The following HTT variants were observed in gnomAD, a reference collection of about 807,000 sequenced individuals.
HTT encodes huntington disease protein.
HTT carries 104 observed loss-of-function variants against 362.3 expected under a neutral mutation model. The ratio of observed to expected loss-of-function variants is 0.29; its 90% CI spans 0.24 to 0.34. HTT has a LOEUF of 0.34. Among genes scored for constraint, HTT ranks in the 10% least tolerant of loss-of-function variants. The pLI is 1.00. For missense variants in HTT, 3,301 were observed against 3,928.6 expected (o/e 0.84, Z 4.27); for synonymous variants, 1,577 against 1,548.7 (o/e 1.02, Z -0.43).
chr4:3,189,742 G>C (rs1192636302), intron 40 of HTT, among the ~76,000 whole-genome samples: 1 of 152,202 alleles, frequency 6.6e-6, no homozygotes, highest in Non-Finnish European at 1.5e-5. Context: ...ATAGTTAAGA[G>C]GACCAGGTGT....
chr4:3,078,980 C>T (rs1375531783), intron 1 of HTT, among the ~76,000 whole-genome samples: 10 of 152,126 alleles, frequency 6.6e-5, no homozygotes, highest in African/African-American at 1.7e-4. Flanking sequence ...CGTCATCCGC[C>T]GACCTTGTGA....
intron 50 of HTT, 93 bp from the exon 51 acceptor site, chr4:3,215,017 A>G: frequency 9.6e-7 from 1 of 1,042,172 alleles, no homozygotes; most frequent in Non-Finnish European, 1.4e-6. Flanking sequence ...ATCCCTTTCA[A>G]CTTTTGTGAG....
intron 6 of HTT, among the ~76,000 whole-genome samples, chr4:3,115,081 C>T (rs1714950192): frequency 1.3e-5 from 2 of 152,072 alleles, no homozygotes. Context: ...GCTGAGCAGT[C>T]CCCTGAGTGA....
chr4:3,155,416 G>A (rs532363312), intron 27 of HTT, among the ~76,000 whole-genome samples: 48 of 150,716 alleles, frequency 3.2e-4, no homozygotes, highest in African/African-American at 1.1e-3. Context: ...TAGTGGAGAC[G>A]GGGTTTCACC....
chr4:3,198,584 T>G (rs1222719754), intron 40 of HTT, among the ~76,000 whole-genome samples: 1 of 152,218 alleles, frequency 6.6e-6, no homozygotes, highest in African/African-American at 2.4e-5. Context: ...AGCCCAGATC[T>G]GGGGGAGAGG....
chr4:3,148,012 T>C lies in HTT; in HGVS notation c.3303T>C (p.Ala1101=), dbSNP rs1187431695. The change falls in exon 26 of 67, where the codon GCT becomes GCC. Residue 1101 remains alanine (A), a synonymous_variant. Transcript: ENST00000355072. ...ILAGNLLAAS[A]PKSLRSSWAS... Reference sequence around the variant, plus strand: ...TCTGTGCCCATATCACAGCCAGTGCTCCCAAATCTCTGAGAAGTTCATGGG... The same window carrying C: ...TCTGTGCCCATATCACAGCCAGTGCCCCCAAATCTCTGAGAAGTTCATGGG... 1.2e-6 allele frequency: 2 copies of C among 1,612,022 alleles called. No homozygotes were observed. Among genetic ancestry groups the C allele is most frequent in the Non-Finnish European group, 1.7e-6 (2 of 1,179,180 alleles).
At chr4:3,219,814 C>T (rs1720592751) in intron 52 of HTT, among the ~76,000 whole-genome samples, 1 of 152,174 alleles carries the variant, frequency 6.6e-6, no homozygotes, top group Non-Finnish European at 1.5e-5. Flanking sequence ...TGCCAATAAA[C>T]ATATCTGAGC....
intron 37 of HTT, among the ~76,000 whole-genome samples, chr4:3,185,847 G>A (rs114841371): frequency 0.019 from 2,873 of 152,124 alleles, 52 homozygotes; most frequent in Middle Eastern, 0.034. Context: ...CCATTCGTGC[G>A]CCACTGCACT....
At chr4:3,177,165 T>C (rs1444140674) in intron 33 of HTT, among the ~76,000 whole-genome samples, 167 bp from the exon 34 acceptor site, 9 of 152,242 alleles carry the variant, frequency 5.9e-5, no homozygotes, top group Admixed American at 5.9e-4. Flanking sequence ...CTGGATGTGT[T>C]CTGCAATTAT....
chr4:3,179,704 CAT>C lies in HTT; in HGVS notation c.4613-810_4613-809del, dbSNP rs372476600. ...CAGAGTGTGCCTCTGTGTGTGTGCT[CAT>C]GTGTGTGCATACGTGTCACTGAGGG... is the stretch of plus-strand genomic sequence containing the variant. On this transcript the variant is annotated intron_variant, in intron 35 of 66. Transcript: ENST00000355072. Among the ~76,000 whole-genome samples the C allele has an allele frequency of 4.0e-4, 55 of 136,168 alleles. No individual in the cohort carries two copies. In the East Asian group the frequency reaches 8.2e-3, roughly 20 times the overall value. The allele number at this position is 136,168 out of a possible 152,430, so 89.3% of individuals were successfully genotyped here. A position where few individuals can be genotyped will look rare whatever the true frequency, so the allele number is the denominator to read the frequency against.
rs923402449 is a variant in HTT at position 3,210,025 on chromosome 4, T to A, written c.6414+76T>A. ...CCAAGTGGGATTTGTCTCATCATCA[T>A]GTGACCCACTTGTTGACAACACATG... On this transcript the variant is annotated intron_variant, in intron 47 of 66. Coordinates refer to ENST00000355072, the MANE Select transcript of HTT (RefSeq NM_001388492.1). 3.2e-6 allele frequency: 5 copies of A among 1,554,870 alleles called. No individual in the cohort carries two copies. In the African/African-American group the frequency reaches 6.8e-5, roughly 21 times the overall value.
intron 37 of HTT, among the ~76,000 whole-genome samples, chr4:3,184,937 G>T (rs1718694343): frequency 6.6e-6 from 1 of 152,134 alleles, no homozygotes; most frequent in Non-Finnish European, 1.5e-5. Context: ...CTAAAGCCAA[G>T]ATTTTTTTTA....
At chr4:3,099,215 A>G in intron 2 of HTT, 59 bp from the exon 3 acceptor site, 2 of 1,204,756 alleles carry the variant, frequency 1.7e-6, no homozygotes, top group Non-Finnish European at 2.4e-6. Context: ...ACCTCATTAC[A>G]TTTCATTGTC....
At position 3,204,025 on chromosome 4, in the gene HTT, C is replaced by T; in HGVS notation, c.5595C>T (p.Ser1865=). The part of the protein sequence containing the change: ...QQTPKRHSLS[S]TKLLSPQMSG... ...CTTCTAGAAGACACAGTCTGTCCAG[C>T]ACAAAGTTACTTAGTCCCCAGATGT... Residue 1865 remains serine (S), a synonymous_variant, in exon 42 of 67, where the codon AGC becomes AGT. Transcript: ENST00000355072. 3 of 1,614,212 alleles carry T rather than the reference C, an allele frequency of 1.9e-6. No individual in the cohort carries two copies. Among genetic ancestry groups the T allele is most frequent in the Non-Finnish European group, 2.5e-6 (3 of 1,180,008 alleles).
chr4:3,235,868 C>A, intron 63 of HTT, 90 bp downstream of exon 63: 1 of 1,021,642 alleles, frequency 9.8e-7, no homozygotes. Flanking sequence ...CGACTAGGTG[C>A]CCTCTGATTT....
chr4:3,129,893 A>G (rs774242473), intron 12 of HTT, 31 bp from the exon 13 acceptor site: 18 of 1,613,736 alleles, frequency 1.1e-5, no homozygotes, highest in Non-Finnish European at 7.6e-6. Flanking sequence ...TCACACTTCA[A>G]AATTCTCACA....
At chr4:3,173,964 C>G (rs1232148173) in intron 31 of HTT, among the ~76,000 whole-genome samples, 1 of 152,180 alleles carries the variant, frequency 6.6e-6, no homozygotes, top group Non-Finnish European at 1.5e-5. Context: ...AGCCACCGCG[C>G]CCGGCCTCTT....
At chr4:3,103,322 T>C (rs1027751965) in intron 3 of HTT, among the ~76,000 whole-genome samples, 4 of 150,638 alleles carry the variant, frequency 2.7e-5, no homozygotes, top group African/African-American at 7.4e-5. Context: ...CCTCCCGGGT[T>C]CAAACTATTC....
intron 29 of HTT, among the ~76,000 whole-genome samples, chr4:3,164,576 A>C (rs1014185225): frequency 2.6e-5 from 4 of 152,182 alleles, no homozygotes; most frequent in Non-Finnish European, 2.9e-5. Context: ...TAGGTCTCTA[A>C]GAACTTGCTT....
Sources: allele counts gnomAD v4.1 joint callset (sites outside exome capture counted in the v4.1 genomes callset), GRCh38; gene constraint gnomAD v4.1.1; transcripts MANE v1.5; gene names NCBI Gene and HGNC (gene_info 2026-07-23, HGNC 2026-07-21).